The following NELL2 variants were observed in gnomAD, a reference collection of about 807,000 sequenced individuals.
NELL2 encodes protein kinase C-binding protein NELL2.
A neutral mutation model predicts 109.6 loss-of-function variants in NELL2; 41 were observed. That is an observed-to-expected ratio of 0.37 (90% CI 0.29 to 0.49). The LOEUF (loss-of-function observed/expected upper bound fraction) is 0.49, where lower values mean the gene tolerates loss of function less well. Ranked by LOEUF, NELL2 falls within the 20% of genes least tolerant of loss-of-function variation. NELL2 has a pLI of 0.98. For synonymous variants in NELL2, 355 were observed against 344.7 expected (o/e 1.03, Z -0.33); for missense variants, 900 against 1,008.3 (o/e 0.89, Z 1.45).
At chr12:44,695,464 G>C (rs1388197373) in intron 12 of NELL2, among the ~76,000 whole-genome samples, 1 of 152,168 alleles carries the variant, frequency 6.6e-6, no homozygotes, top group Non-Finnish European at 1.5e-5. Context: ...TAAGAAGGCT[G>C]AGTGGGATGG....
intron 15 of NELL2, among the ~76,000 whole-genome samples, chr12:44,552,117 G>A (rs549489764): frequency 1.3e-5 from 2 of 152,184 alleles, no homozygotes; most frequent in Admixed American, 6.5e-5. Context: ...GGGATGCAAA[G>A]TAAGGCAAAT....
Position 44,685,210 on chromosome 12 carries a change from TG to T in NELL2, c.1318+18515del, listed in dbSNP as rs562793611. On this transcript the variant is annotated intron_variant, in intron 12 of 19. Transcript: ENST00000429094. Reference sequence around the variant, plus strand: ...TTTTGATCTTTGTTGGTTTAAAGTCTGTTTTATCAGAGACTAGGATTGCAAC... The same window carrying T: ...TTTTGATCTTTGTTGGTTTAAAGTCTTTTTATCAGAGACTAGGATTGCAAC... 1.5e-3 allele frequency among the ~76,000 whole-genome samples: 232 copies of T among 152,306 alleles called. 1 individual carries two copies. The highest frequency in any genetic ancestry group is 5.3e-3 in the African/African-American group (222 of 41,552).
Position 44,711,393 on chromosome 12 carries a change from T to G in NELL2, c.1088A>C (p.Asp363Ala). The G allele has an allele frequency of 1.2e-6, 2 of 1,611,202 alleles. No homozygotes were observed. Among genetic ancestry groups the G allele is most frequent in the Non-Finnish European group, 1.7e-6 (2 of 1,177,748 alleles). The change falls in exon 11 of 20, where the codon GAC becomes GCC. Residue 363 changes from aspartate (D) to alanine (A), a missense_variant and splice_region_variant. Coordinates refer to ENST00000429094, the MANE Select transcript of NELL2 (RefSeq NM_001145108.2). ...ACTCTCAACAAGTTTCATGGTCTGG[T>G]CCTGTTAGACAACAGAAAAGAAGTG... ...SGVCVLYECK[D>A]QTMKLVESSG...
intron 15 of NELL2, among the ~76,000 whole-genome samples, chr12:44,573,692 T>A (rs1565948797): frequency 6.6e-6 from 1 of 152,100 alleles, no homozygotes; most frequent in Non-Finnish European, 1.5e-5. Context: ...AGGAAAAGAT[T>A]TAAGTGATTA....
intron 2 of NELL2, among the ~76,000 whole-genome samples, chr12:44,845,492 G>A (rs1944343961): frequency 6.6e-6 from 1 of 152,134 alleles, no homozygotes; most frequent in Non-Finnish European, 1.5e-5. Context: ...ATTCACATTA[G>A]CCACATTTCA....
chr12:44,687,148 G>T (rs1458855399), intron 12 of NELL2, among the ~76,000 whole-genome samples: 1 of 152,186 alleles, frequency 6.6e-6, no homozygotes. Flanking sequence ...GCAGTATTCG[G>T]GTGGGAGTGA....
chr12:44,589,790 T>A (rs1937541112), intron 15 of NELL2, among the ~76,000 whole-genome samples: 1 of 152,190 alleles, frequency 6.6e-6, no homozygotes, highest in Non-Finnish European at 1.5e-5. Flanking sequence ...CCTGTTCAAG[T>A]TCTCCTAACA....
intron 2 of NELL2, among the ~76,000 whole-genome samples, chr12:44,864,364 G>A (rs1490396401): frequency 6.6e-6 from 1 of 151,754 alleles, no homozygotes; most frequent in Non-Finnish European, 1.5e-5. Flanking sequence ...AAGACAGAAA[G>A]TGAAGGAATA....
chr12:44,547,334 T>C (rs182454706), intron 15 of NELL2, among the ~76,000 whole-genome samples: 5 of 152,350 alleles, frequency 3.3e-5, no homozygotes, highest in Admixed American at 2.0e-4. Context: ...AAATAAATTA[T>C]AGCACGTGCA....
chr12:44,887,847 A>T (rs781103769), intron 1 of NELL2, among the ~76,000 whole-genome samples: 1 of 151,882 alleles, frequency 6.6e-6, no homozygotes, highest in African/African-American at 2.4e-5. Flanking sequence ...ATGCAATCCC[A>T]TTTGTCTAAT....
intron 9 of NELL2, among the ~76,000 whole-genome samples, chr12:44,766,806 T>C (rs1474374523): frequency 1.3e-5 from 2 of 152,232 alleles, no homozygotes; most frequent in Non-Finnish European, 1.5e-5. Flanking sequence ...TAATTATTAT[T>C]GCAGATAGAT....
intron 7 of NELL2, 150 bp downstream of exon 7, chr12:44,776,892 C>A: frequency 1.5e-6 from 1 of 656,756 alleles, no homozygotes; most frequent in Non-Finnish European, 2.6e-6. Context: ...TATTTATAAG[C>A]CTTTCCTTAA....
At position 44,638,294 on chromosome 12, in the gene NELL2, A is replaced by G. The variant is rs549779699; in HGVS notation, c.1444+27190T>C. On this transcript the variant is annotated intron_variant, in intron 13 of 19. Transcript: ENST00000429094. ...ATAGTTACTCACTTGAATCTCATCT[A>G]AAGTCATTACAGAATCCGCTAACAA... 3.3e-5 allele frequency among the ~76,000 whole-genome samples: 5 copies of G among 152,262 alleles called. No individual in the cohort carries two copies. In the South Asian group the frequency reaches 8.3e-4, roughly 25 times the overall value.
At chr12:44,889,509 C>G (rs1290812050) in intron 1 of NELL2, among the ~76,000 whole-genome samples, 2 of 152,004 alleles carry the variant, frequency 1.3e-5, no homozygotes, top group African/African-American at 4.8e-5. Context: ...AATGAAGCAT[C>G]CACATGGACC....
At chr12:44,526,145 CA>C (rs200419459) in intron 16 of NELL2, among the ~76,000 whole-genome samples, 73 of 147,266 alleles carry the variant, frequency 5.0e-4, no homozygotes, top group Non-Finnish European at 7.7e-4. Flanking sequence ...TAGAGAAATG[CA>C]AAAAAAAAAT....
At chr12:44,856,389 T>C (rs1261569183) in intron 2 of NELL2, among the ~76,000 whole-genome samples, 1 of 152,206 alleles carries the variant, frequency 6.6e-6, no homozygotes, top group Non-Finnish European at 1.5e-5. Context: ...AAATGAATTA[T>C]ACAGTATGGT....
chr12:44,519,300 G>A (rs944647455), intron 19 of NELL2, among the ~76,000 whole-genome samples: 83 of 152,262 alleles, frequency 5.5e-4, no homozygotes, highest in African/African-American at 1.8e-3. Context: ...TTAAATTTTT[G>A]TAGAAATAAT....
At chr12:44,618,167 A>G (rs1427115857) in intron 13 of NELL2, among the ~76,000 whole-genome samples, 3 of 152,202 alleles carry the variant, frequency 2.0e-5, no homozygotes, top group African/African-American at 7.2e-5. Flanking sequence ...CTGTAAACTT[A>G]TTTGATGCCC....
At chr12:44,705,756 C>G (rs1374952042) in intron 11 of NELL2, among the ~76,000 whole-genome samples, 1 of 152,158 alleles carries the variant, frequency 6.6e-6, no homozygotes, top group African/African-American at 2.4e-5. Context: ...ATAGCCTACT[C>G]CTTAAGATAC....
Sources: gnomAD v4.1 joint callset for allele counts (sites outside exome capture counted in the v4.1 genomes callset) on GRCh38, gnomAD v4.1.1 for gene constraint, MANE v1.5 for transcripts, NCBI Gene and HGNC (gene_info 2026-07-23, HGNC 2026-07-21) for gene names.